Variants in RIMS3 observed in about 807,000 individuals in gnomAD.
The protein encoded by RIMS3 is regulating synaptic membrane exocytosis 3.
Under a neutral mutation model 29.2 loss-of-function variants are expected in RIMS3, and 15 were observed. That is an observed-to-expected ratio of 0.51 (90% CI 0.34 to 0.79). The LOEUF (loss-of-function observed/expected upper bound fraction) is 0.79, where lower values mean the gene tolerates loss of function less well. Ranked by LOEUF, RIMS3 falls within the 30% of genes least tolerant of loss-of-function variation. The pLI is 0.01. For synonymous variants in RIMS3, 161 were observed against 170.1 expected (o/e 0.95, Z 0.41); for missense variants, 342 against 421.4 (o/e 0.81, Z 1.65).
chr1:40,683,950 T>C, the RIMS3 span, among the ~76,000 whole-genome samples: 1 of 152,214 alleles, frequency 6.6e-6, no homozygotes, highest in Non-Finnish European at 1.5e-5. Context: ...CCCTCCAGCA[T>C]ACCTTCATTC....
chr1:40,686,701 C>T, the RIMS3 span, among the ~76,000 whole-genome samples: 1 of 152,094 alleles, frequency 6.6e-6, no homozygotes, highest in Non-Finnish European at 1.5e-5. Context: ...GTTCCCTAAC[C>T]CCTCAATCGC....
In RIMS3 at chr1:40,629,249, C is replaced by T. The variant is rs567634185; in HGVS notation, c.574+22G>A. The T allele has an allele frequency of 1.5e-5, 24 of 1,596,910 alleles. No homozygotes were observed. In the African/African-American group the frequency reaches 2.9e-4, roughly 20 times the overall value. ...GGCTCTATGCCCCTCCCTGTCAGGA[C>T]CCCATTTCCAAAATCCCTCACCTGG... On this transcript the variant is annotated intron_variant, in intron 6 of 7. Transcript: ENST00000372684.
intron 1 of RIMS3, among the ~76,000 whole-genome samples, chr1:40,656,023 CAAACA>C (rs1268444598): frequency 1.3e-5 from 2 of 152,124 alleles, no homozygotes; most frequent in African/African-American, 4.8e-5. Context: ...AACAAACAAA[CAAACA>C]AAACAAATCT....
At chr1:40,648,221 G>C (rs1054897782) in intron 1 of RIMS3, among the ~76,000 whole-genome samples, 1 of 152,144 alleles carries the variant, frequency 6.6e-6, no homozygotes, top group African/African-American at 2.4e-5. Flanking sequence ...GCAGTTGGGG[G>C]ACACACTCCT....
At chr1:40,673,489 G>C in the RIMS3 span, 1 of 152,256 alleles carries the variant, frequency 6.6e-6, no homozygotes, top group South Asian at 2.1e-4. Flanking sequence ...AAGGGACCGA[G>C]GGTACAGAAG....
At chr1:40,649,876 G>A (rs190398696) in intron 1 of RIMS3, among the ~76,000 whole-genome samples, 83 of 152,308 alleles carry the variant, frequency 5.4e-4, no homozygotes, top group African/African-American at 1.9e-3. Flanking sequence ...CTGAGGGTAT[G>A]GTAAGGGATG....
intron 2 of RIMS3, among the ~76,000 whole-genome samples, chr1:40,647,346 T>C (rs1646602696): frequency 6.6e-6 from 1 of 151,786 alleles, no homozygotes; most frequent in South Asian, 2.1e-4. Context: ...CATCCTCTAC[T>C]CACAGTGGAC....
rs1646426073 is a variant in RIMS3 at position 40,622,332 on chromosome 1, C to T, written c.*4185G>A. ...AGGGCTCACCTGATTGTGTGGGCTTCCCCTGCTCTTCAATCATGCTTGTTT... is the reference window on the plus strand; with the variant it reads ...AGGGCTCACCTGATTGTGTGGGCTTTCCCTGCTCTTCAATCATGCTTGTTT... On this transcript the variant is annotated 3_prime_UTR_variant, in exon 8 of 8. Coordinates refer to ENST00000372684, the MANE Select transcript of RIMS3 (RefSeq NM_014747.3). The T allele has an allele frequency of 6.5e-6, 1 of 152,728 alleles. No homozygotes were observed. Among genetic ancestry groups the T allele is most frequent in the South Asian group, 2.1e-4 (1 of 4,828 alleles). The allele number at this position is 152,728 out of a possible 1,614,324, so 9.5% of individuals were successfully genotyped here.
In RIMS3 at chr1:40,626,039, T is replaced by G; in HGVS notation, c.*478A>C. The G allele has an allele frequency of 5.5e-6, 1 of 180,980 alleles. No homozygotes were observed. The highest frequency in any genetic ancestry group is 1.2e-5 in the Non-Finnish European group (1 of 84,794). 11.2% of individuals were successfully genotyped at this position (180,980 alleles called of 1,614,324 possible). On this transcript the variant is annotated 3_prime_UTR_variant, in exon 8 of 8. Coordinates refer to ENST00000372684, the MANE Select transcript of RIMS3 (RefSeq NM_014747.3). ...GAAAACAGTGGCAGAGCCGGGAGAG[T>G]CAAGAGTGGAACAAAAGACAAGACA...
At chr1:40,629,591 T>G (rs138784866) in intron 5 of RIMS3, among the ~76,000 whole-genome samples, 297 of 151,794 alleles carry the variant, frequency 2.0e-3, no homozygotes, top group Non-Finnish European at 2.9e-3. Context: ...GGTAGGGGCA[T>G]GATCTTCAGG....
chr1:40,638,255 T>TGCTGAGGTGGGGGTGAG (rs1043358953), intron 3 of RIMS3, among the ~76,000 whole-genome samples: 1 of 152,124 alleles, frequency 6.6e-6, no homozygotes, highest in Non-Finnish European at 1.5e-5. Flanking sequence ...ATCCCCCATC[T>TGCTGAGGTGGGGGTGAG]AGCTGAGAGG....
chr1:40,663,252 C>T (rs1421114093), intron 1 of RIMS3, among the ~76,000 whole-genome samples: 2 of 152,282 alleles, frequency 1.3e-5, no homozygotes, highest in Middle Eastern at 3.4e-3. Flanking sequence ...GACAGTGCCA[C>T]AGTCAGCAAA....
rs117919624 is a variant in RIMS3, at chr1:40,648,738, G to A, written c.-206-896C>T. Among the ~76,000 whole-genome samples, 197 of 152,284 alleles carry A rather than the reference G, an allele frequency of 1.3e-3. 3 individuals carry two copies. Among genetic ancestry groups the A allele is most frequent in the East Asian group, 7.7e-3 (40 of 5,180 alleles). ...GGAAGGCCCAGAGACTAGGAGCATC[G>A]CCTCCTACCACAGCCCTGAGTGCTC... On this transcript the variant is annotated intron_variant, in intron 1 of 7. Coordinates refer to ENST00000372684, the MANE Select transcript of RIMS3 (RefSeq NM_014747.3).
intron 1 of RIMS3, among the ~76,000 whole-genome samples, chr1:40,656,185 G>A (rs1169953715): frequency 6.6e-6 from 1 of 152,202 alleles, no homozygotes; most frequent in Non-Finnish European, 1.5e-5. Context: ...GGTGAGCCAA[G>A]AACAGGCCTC....
rs1646452864 is a variant in RIMS3, at chr1:40,626,288, T to G, written c.*229A>C. The G allele has an allele frequency of 1.7e-6, 1 of 594,770 alleles. No individual in the cohort carries two copies. Among genetic ancestry groups the G allele is most frequent in the Non-Finnish European group, 3.0e-6 (1 of 331,028 alleles). 36.8% of individuals were successfully genotyped at this position (594,770 alleles called of 1,614,324 possible). A position where few individuals can be genotyped will look rare whatever the true frequency, so the allele number is the denominator to read the frequency against. On this transcript the variant is annotated 3_prime_UTR_variant, in exon 8 of 8. Transcript: ENST00000372684. ...AGCCCATATCATCACCAGGAGTGAC[T>G]ATACCCAGACAAATGAACAGATAGA...
chr1:40,690,921 G>C, the RIMS3 span: 6 of 152,226 alleles, frequency 3.9e-5, no homozygotes, highest in African/African-American at 1.4e-4. Context: ...TATACCTACA[G>C]GTTTTGAAGT....
At chr1:40,663,277 G>A (rs1421351125) in intron 1 of RIMS3, among the ~76,000 whole-genome samples, 1 of 152,186 alleles carries the variant, frequency 6.6e-6, no homozygotes, top group Non-Finnish European at 1.5e-5. Flanking sequence ...CAATGTGAGA[G>A]ACACTTCCCT....
the RIMS3 span, among the ~76,000 whole-genome samples, chr1:40,675,448 C>A: frequency 6.6e-6 from 1 of 151,790 alleles, no homozygotes; most frequent in South Asian, 2.1e-4. Context: ...ATGGCAAAGC[C>A]CTGTCTCTAC....
intron 5 of RIMS3, among the ~76,000 whole-genome samples, chr1:40,629,786 T>A (rs1646477822): frequency 6.6e-6 from 1 of 151,866 alleles, no homozygotes; most frequent in African/African-American, 2.4e-5. Context: ...CAAAAGAACA[T>A]CCGTTTGAGG....
Sources: gnomAD v4.1 joint callset for allele counts (sites outside exome capture counted in the v4.1 genomes callset) on GRCh38, gnomAD v4.1.1 for gene constraint, MANE v1.5 for transcripts, NCBI Gene and HGNC (gene_info 2026-07-23, HGNC 2026-07-21) for gene names.